FBXO4: variants seen among roughly 807,000 people sequenced by gnomAD.
The protein encoded by FBXO4 is F-box only protein 4.
A neutral mutation model predicts 43.7 loss-of-function variants in FBXO4; 36 were observed. The observed-to-expected ratio is 0.82, with a 90% CI of 0.63 to 1.09. FBXO4 has a LOEUF of 1.09. Among genes scored for constraint, FBXO4 ranks in the 50% least tolerant of loss-of-function variants. The pLI is 0.00. For synonymous variants in FBXO4, 180 were observed against 165.6 expected (o/e 1.09, Z -0.67); for missense variants, 435 against 474.1 (o/e 0.92, Z 0.77).
At chr5:42,009,087 C>T in the FBXO4 span, among the ~76,000 whole-genome samples, 1 of 152,138 alleles carries the variant, frequency 6.6e-6, no homozygotes, top group Admixed American at 6.6e-5. Flanking sequence ...AATCTCCTAT[C>T]TACTGTCAAT....
At chr5:41,961,154 C>T in the FBXO4 span, among the ~76,000 whole-genome samples, 1 of 152,078 alleles carries the variant, frequency 6.6e-6, no homozygotes, top group Non-Finnish European at 1.5e-5. Context: ...GTGTATTCAC[C>T]TCAACATCCC....
the FBXO4 span, among the ~76,000 whole-genome samples, chr5:41,952,405 T>A: frequency 6.6e-6 from 1 of 152,232 alleles, no homozygotes; most frequent in Non-Finnish European, 1.5e-5. Flanking sequence ...AAAAATTGAC[T>A]AATTTATATA....
At chr5:41,995,931 C>T in the FBXO4 span, among the ~76,000 whole-genome samples, 2 of 152,240 alleles carry the variant, frequency 1.3e-5, no homozygotes, top group African/African-American at 4.8e-5. Flanking sequence ...TTTCCCTTCA[C>T]TACTGTCCTT....
chr5:41,941,793 A>T (rs758147661), downstream of FBXO4: 4 of 152,598 alleles, frequency 2.6e-5, no homozygotes, highest in Non-Finnish European at 4.4e-5. Flanking sequence ...GTCTTTTATT[A>T]TGAAACAGTA....
chr5:41,960,740 TTC>T, the FBXO4 span, among the ~76,000 whole-genome samples: 2 of 152,166 alleles, frequency 1.3e-5, no homozygotes, highest in Non-Finnish European at 2.9e-5. Flanking sequence ...GCTCCAGAAT[TTC>T]TGTTTGTTTT....
chr5:42,016,893 A>G, the FBXO4 span, among the ~76,000 whole-genome samples: 2 of 152,110 alleles, frequency 1.3e-5, no homozygotes, highest in Non-Finnish European at 2.9e-5. Flanking sequence ...TTTTGTTGAA[A>G]TAAAAGACTT....
chr5:42,009,197 T>C, the FBXO4 span, among the ~76,000 whole-genome samples: 1 of 152,278 alleles, frequency 6.6e-6, no homozygotes, highest in African/African-American at 2.4e-5. Flanking sequence ...ATCTGGCCAC[T>C]GACTTAGCTC....
At chr5:42,003,268 G>A in the FBXO4 span, among the ~76,000 whole-genome samples, 1 of 152,208 alleles carries the variant, frequency 6.6e-6, no homozygotes, top group African/African-American at 2.4e-5. Context: ...CTTATCTTGG[G>A]ATCACCTCTT....
chr5:42,010,690 CAATT>C, the FBXO4 span, among the ~76,000 whole-genome samples: 1 of 151,982 alleles, frequency 6.6e-6, no homozygotes, highest in African/African-American at 2.4e-5. Flanking sequence ...GAGTTCTTTT[CAATT>C]ATCTTAGGTA....
downstream of FBXO4, among the ~76,000 whole-genome samples, chr5:41,943,936 C>T (rs766970276): frequency 6.6e-6 from 1 of 152,068 alleles, no homozygotes; most frequent in Non-Finnish European, 1.5e-5. Flanking sequence ...GACAAAAGAC[C>T]ACATGAGGAC....
the FBXO4 span, among the ~76,000 whole-genome samples, chr5:42,030,436 C>T: frequency 1.0e-3 from 154 of 152,054 alleles, 1 homozygote; most frequent in African/African-American, 3.4e-3. Flanking sequence ...CCCTTCCTTA[C>T]ACCTTACACA....
the FBXO4 span, among the ~76,000 whole-genome samples, chr5:41,959,814 C>T: frequency 0.08 from 12,104 of 151,986 alleles, 692 homozygotes; most frequent in African/African-American, 0.16. Flanking sequence ...CTGCTTTGTT[C>T]TTTTTGCTCA....
At chr5:41,944,668 T>TC (rs1487474647), downstream of FBXO4, among the ~76,000 whole-genome samples, 2 of 152,246 alleles carry the variant, frequency 1.3e-5, no homozygotes, top group African/African-American at 2.4e-5. Context: ...ATAATAAAGT[T>TC]CAATTTTTAG....
At chr5:41,952,190 A>T in the FBXO4 span, 26,357 of 158,770 alleles carry the variant, frequency 0.17, 2,474 homozygotes, top group Middle Eastern at 0.29. Flanking sequence ...AGGGCTCTGA[A>T]CATTGTGAAA....
At chr5:41,961,635 A>G in the FBXO4 span, among the ~76,000 whole-genome samples, 2 of 152,158 alleles carry the variant, frequency 1.3e-5, no homozygotes, top group African/African-American at 4.8e-5. Flanking sequence ...CAAGATCCCT[A>G]TGGTATCTAA....
chr5:41,997,997 G>A, the FBXO4 span, among the ~76,000 whole-genome samples: 12 of 152,106 alleles, frequency 7.9e-5, no homozygotes, highest in Non-Finnish European at 1.6e-4. Flanking sequence ...CATTTGACCT[G>A]TAAATTTCCT....
intron 5 of FBXO4, chr5:41,935,045 T>C: frequency 1.0e-6 from 1 of 984,768 alleles, no homozygotes; most frequent in Non-Finnish European, 1.2e-6. Context: ...TACTTTCTGT[T>C]ATTACAGGGC....
chr5:41,964,758 A>G, the FBXO4 span, among the ~76,000 whole-genome samples: 1 of 151,636 alleles, frequency 6.6e-6, no homozygotes, highest in Non-Finnish European at 1.5e-5. Flanking sequence ...AATTTGTTGG[A>G]GTTCATTGTA....
the FBXO4 span, among the ~76,000 whole-genome samples, chr5:42,010,709 C>T: frequency 1.3e-5 from 2 of 151,918 alleles, no homozygotes; most frequent in South Asian, 2.1e-4. Flanking sequence ...TAGGTATATA[C>T]CCTGAAGTAA....
Sources: gnomAD v4.1 joint callset for allele counts (sites outside exome capture counted in the v4.1 genomes callset) on GRCh38, gnomAD v4.1.1 for gene constraint, MANE v1.5 for transcripts, NCBI Gene and HGNC (gene_info 2026-07-23, HGNC 2026-07-21) for gene names.